Variants in CDH12 observed in about 807,000 individuals in gnomAD.
CDH12 encodes cadherin-12.
CDH12 carries 41 observed loss-of-function variants against 74.1 expected under a neutral mutation model. The ratio of observed to expected loss-of-function variants is 0.55; its 90% CI spans 0.43 to 0.72. The LOEUF is 0.72. Among genes scored for constraint, CDH12 ranks in the 30% least tolerant of loss-of-function variants. The pLI is 0.00. For synonymous variants in CDH12, 399 were observed against 355.0 expected (o/e 1.12, Z -1.39); for missense variants, 945 against 977.2 (o/e 0.97, Z 0.44).
intron 6 of CDH12, among the ~76,000 whole-genome samples, chr5:21,897,580 T>C (rs977745636): frequency 6.6e-6 from 1 of 152,170 alleles, no homozygotes; most frequent in African/African-American, 2.4e-5. Flanking sequence ...ATGTGAAATT[T>C]TGATTGTATT....
intron 3 of CDH12, among the ~76,000 whole-genome samples, chr5:22,400,072 T>A (rs1033402612): frequency 6.6e-6 from 1 of 152,186 alleles, no homozygotes; most frequent in Non-Finnish European, 1.5e-5. Flanking sequence ...TCAATCTTCA[T>A]TGGCATAACT....
intron 4 of CDH12, among the ~76,000 whole-genome samples, chr5:22,084,318 A>G (rs536217155): frequency 4.5e-4 from 68 of 152,288 alleles, no homozygotes; most frequent in African/African-American, 1.6e-3. Context: ...ACAATTCTAC[A>G]TTTGAGGATT....
chr5:22,710,042 C>T (rs1225605706), intron 1 of CDH12, among the ~76,000 whole-genome samples: 1 of 152,124 alleles, frequency 6.6e-6, no homozygotes, highest in South Asian at 2.1e-4. Context: ...AGGTTTCTAA[C>T]CATTCTGAAA....
In CDH12 at chr5:22,557,646, T is replaced by C. The variant is rs937731892; in HGVS notation, c.-522-52282A>G. 5.3e-5 allele frequency among the ~76,000 whole-genome samples: 8 copies of C among 152,214 alleles called. No individual in the cohort carries two copies. In the South Asian group the frequency reaches 1.2e-3, roughly 24 times the overall value. ...GTCAGGTTGCCATCTGTATATAGCATATTTTATTCAGGCCAAATTTGAACA... is the reference window on the plus strand; with the variant it reads ...GTCAGGTTGCCATCTGTATATAGCACATTTTATTCAGGCCAAATTTGAACA... On this transcript the variant is annotated intron_variant, in intron 1 of 14. Transcript: ENST00000382254.
At chr5:22,628,784 T>G (rs269003) in intron 1 of CDH12, among the ~76,000 whole-genome samples, 73,955 of 151,734 alleles carry the variant, frequency 0.49, 18,232 homozygotes, top group Admixed American at 0.57. Context: ...TGTAAAAAAC[T>G]TACAAAAGAT....
chr5:22,680,141 T>C (rs1013764278), intron 1 of CDH12, among the ~76,000 whole-genome samples: 2 of 152,050 alleles, frequency 1.3e-5, no homozygotes, highest in Admixed American at 6.6e-5. Flanking sequence ...ACAAAGATTG[T>C]TTCTCTATTG....
At chr5:22,473,349 T>G (rs2126609289) in intron 2 of CDH12, among the ~76,000 whole-genome samples, 1 of 152,250 alleles carries the variant, frequency 6.6e-6, no homozygotes. Context: ...TATTAAATAT[T>G]ATCTCTCTAC....
At chr5:22,660,837 T>C (rs1048440238) in intron 1 of CDH12, among the ~76,000 whole-genome samples, 1 of 152,242 alleles carries the variant, frequency 6.6e-6, no homozygotes, top group Non-Finnish European at 1.5e-5. Context: ...ATTCATGATT[T>C]GCAATGATTT....
intron 1 of CDH12, among the ~76,000 whole-genome samples, chr5:22,798,989 T>C (rs1748371217): frequency 6.6e-6 from 1 of 152,050 alleles, no homozygotes; most frequent in Non-Finnish European, 1.5e-5. Flanking sequence ...TGGCAGTGCA[T>C]ACCTGTGGTT....
intron 5 of CDH12, among the ~76,000 whole-genome samples, chr5:22,066,275 C>T (rs1741552104): frequency 6.6e-6 from 1 of 152,134 alleles, no homozygotes; most frequent in Non-Finnish European, 1.5e-5. Context: ...CAGCACTATA[C>T]ACTGAACCCA....
chr5:21,874,841 G>A (rs1445119449), intron 6 of CDH12, among the ~76,000 whole-genome samples: 1 of 152,168 alleles, frequency 6.6e-6, no homozygotes, highest in Non-Finnish European at 1.5e-5. Context: ...TGAGCCAGCT[G>A]AGTGCCTGGG....
chr5:22,555,049 T>G (rs10941962), intron 1 of CDH12, among the ~76,000 whole-genome samples: 24,558 of 152,046 alleles, frequency 0.16, 2,561 homozygotes, highest in East Asian at 0.37. Flanking sequence ...AACATAATCT[T>G]GCACAGAATA....
At chr5:22,054,046 T>G (rs959625752) in intron 5 of CDH12, among the ~76,000 whole-genome samples, 2 of 152,090 alleles carry the variant, frequency 1.3e-5, no homozygotes, top group African/African-American at 4.8e-5. Flanking sequence ...TTAATTTTTA[T>G]TATTTACTTG....
intron 5 of CDH12, among the ~76,000 whole-genome samples, chr5:21,992,138 T>C: frequency 6.6e-6 from 1 of 152,000 alleles, no homozygotes; most frequent in Non-Finnish European, 1.5e-5. Flanking sequence ...AGAGTTTACT[T>C]ATTTCCCAAT....
At chr5:22,127,264 G>T (rs1488846727) in intron 4 of CDH12, among the ~76,000 whole-genome samples, 1 of 151,964 alleles carries the variant, frequency 6.6e-6, no homozygotes, top group East Asian at 1.9e-4. Context: ...GGGGCCGAGA[G>T]GTCAGGAGTT....
At chr5:22,203,879 C>G (rs150983590) in intron 4 of CDH12, among the ~76,000 whole-genome samples, 273 of 152,238 alleles carry the variant, frequency 1.8e-3, no homozygotes, top group African/African-American at 6.4e-3. Flanking sequence ...TCCTGTTGGC[C>G]ATTGTATGTC....
At chr5:22,176,882 G>C (rs1021130362) in intron 4 of CDH12, among the ~76,000 whole-genome samples, 46 of 151,958 alleles carry the variant, frequency 3.0e-4, no homozygotes, top group Non-Finnish European at 5.3e-4. Flanking sequence ...AGCCCCATTT[G>C]CCTGCAATGC....
chr5:22,221,819 T>C (rs573622002), intron 3 of CDH12, among the ~76,000 whole-genome samples: 2 of 151,948 alleles, frequency 1.3e-5, no homozygotes, highest in Non-Finnish European at 1.5e-5. Context: ...TAGTCCCCAG[T>C]TGCTTATTGG....
At chr5:22,658,640 G>A (rs986382587) in intron 1 of CDH12, among the ~76,000 whole-genome samples, 1 of 151,908 alleles carries the variant, frequency 6.6e-6, no homozygotes, top group Admixed American at 6.6e-5. Flanking sequence ...AATCCCAGCT[G>A]ATCATTGTCT....
Sources: gnomAD v4.1 joint callset for allele counts (sites outside exome capture counted in the v4.1 genomes callset) on GRCh38, gnomAD v4.1.1 for gene constraint, MANE v1.5 for transcripts, NCBI Gene and HGNC (gene_info 2026-07-23, HGNC 2026-07-21) for gene names.